ZNF780A: variants seen among roughly 807,000 people sequenced by gnomAD.
ZNF780A encodes the protein zinc finger protein 780A.
ZNF780A carries 40 observed loss-of-function variants against 56.7 expected under a neutral mutation model. The observed-to-expected ratio is 0.71, with a 90% CI of 0.55 to 0.92. The LOEUF (loss-of-function observed/expected upper bound fraction) is 0.92, where lower values mean the gene tolerates loss of function less well. Ranked by LOEUF, ZNF780A falls within the 40% of genes least tolerant of loss-of-function variation. ZNF780A has a pLI of 0.00. For missense variants in ZNF780A, 672 were observed against 783.3 expected (o/e 0.86, Z 1.70); for synonymous variants, 231 against 248.3 (o/e 0.93, Z 0.66).
At chr19:40,086,888 A>G (rs1974829787) in intron 2 of ZNF780A, among the ~76,000 whole-genome samples, 2 of 152,064 alleles carry the variant, frequency 1.3e-5, no homozygotes, top group South Asian at 2.1e-4. Flanking sequence ...TTTTTAGTAG[A>G]GACAAGGTTT....
At chr19:40,081,184 A>G (rs534538079) in intron 5 of ZNF780A, among the ~76,000 whole-genome samples, 1 of 151,472 alleles carries the variant, frequency 6.6e-6, no homozygotes, top group Admixed American at 6.6e-5. Context: ...TTTGCAAACT[A>G]TTTCTCTGAC....
At position 40,074,691 on chromosome 19, in the gene ZNF780A, G is replaced by A. The variant is rs753495523; in HGVS notation, c.1751C>T (p.Pro584Leu). Residue 584 changes from proline to leucine, a missense_variant, in exon 6 of 6, where the codon CCC becomes CTC. Pro to Leu is a moderately conservative substitution (Grantham distance 98, BLOSUM62 -3). Transcript: ENST00000683561. ...TTTCCCACACTCCTTACATTCAAAGGGTTTCTCACCAGTATGCAATTTCTG... is the reference window on the plus strand; with the variant it reads ...TTTCCCACACTCCTTACATTCAAAGAGTTTCTCACCAGTATGCAATTTCTG... ...RHQKLHTGEK[P>L]FECKECGKAF... 6.2e-7 allele frequency: 1 copy of A among 1,614,084 alleles called. No individual in the cohort carries two copies. The highest frequency in any genetic ancestry group is 2.2e-5 in the East Asian group (1 of 44,874).
intron 5 of ZNF780A, among the ~76,000 whole-genome samples, chr19:40,081,107 A>G (rs1974446906): frequency 6.6e-6 from 1 of 152,146 alleles, no homozygotes; most frequent in Non-Finnish European, 1.5e-5. Flanking sequence ...ATATTAAACT[A>G]AACGCTTCTG....
chr19:40,086,067 A>G (rs754990904), intron 2 of ZNF780A, among the ~76,000 whole-genome samples: 1 of 151,832 alleles, frequency 6.6e-6, no homozygotes. Context: ...TTTCTTTCCT[A>G]TGAGGAAACT....
At position 40,083,213 on chromosome 19, in the gene ZNF780A, C is replaced by T. The variant is rs779849221; in HGVS notation, c.34G>A (p.Ala12Thr). The change falls in exon 4 of 6, where the codon GCC (alanine) becomes ACC (threonine). Residue 12 changes from alanine to threonine, a missense_variant. Transcript: ENST00000683561. ...CACTCCTCCTGAGAGAAGTCAATGG[C>T]CACATCCCTGAATGTCACTGATCCC... is the stretch of plus-strand genomic sequence containing the variant. ...VHGSVTFRDV[A>T]IDFSQEEWEC... 8 of 1,614,038 alleles carry T rather than the reference C, an allele frequency of 5.0e-6. No individual in the cohort carries two copies. The highest frequency in any genetic ancestry group is 6.8e-6 in the Non-Finnish European group (8 of 1,180,026).
chr19:40,081,972 A>T, intron 4 of ZNF780A, 58 bp from the exon 5 acceptor site: 1 of 1,268,720 alleles, frequency 7.9e-7, no homozygotes, highest in South Asian at 1.3e-5. Flanking sequence ...TTTTTTTCAA[A>T]TCTTTGTGAC....
intron 5 of ZNF780A, among the ~76,000 whole-genome samples, chr19:40,077,659 C>T (rs1599837327): frequency 6.6e-6 from 1 of 152,110 alleles, no homozygotes. Flanking sequence ...CCATACCCTC[C>T]ACTAACCATC....
chr19:40,077,358 T>A (rs1161685179), intron 5 of ZNF780A, among the ~76,000 whole-genome samples: 2 of 151,990 alleles, frequency 1.3e-5, no homozygotes, highest in East Asian at 3.9e-4. Flanking sequence ...CTTTTACTCA[T>A]AAAAGAAGGC....
intron 5 of ZNF780A, 130 bp downstream of exon 5, chr19:40,081,689 G>C: frequency 1.4e-6 from 1 of 707,028 alleles, no homozygotes; most frequent in Non-Finnish European, 2.4e-6. Context: ...CAGGTCTTGG[G>C]CATTTTTATC....
chr19:40,090,211 G>A lies in ZNF780A; in HGVS notation c.-91C>T, dbSNP rs907209157. On this transcript the variant is annotated 5_prime_UTR_variant, in exon 2 of 6. Transcript: ENST00000683561. ...CAGTAACGCTCTCATCCTCCTCCAG[G>A]TCCTTCTTTTGGATAAAAATACGAC... The A allele has an allele frequency of 1.1e-4, 16 of 152,140 alleles. No individual in the cohort carries two copies. The highest frequency in any genetic ancestry group is 2.2e-4 in the African/African-American group (9 of 41,428). The allele number at this position is 152,140 out of a possible 1,614,324, so 9.4% of individuals were successfully genotyped here.
intron 5 of ZNF780A, among the ~76,000 whole-genome samples, chr19:40,077,541 T>C (rs1974211697): frequency 6.6e-6 from 1 of 152,002 alleles, no homozygotes; most frequent in African/African-American, 2.4e-5. Context: ...TATGATCCAA[T>C]TACCTCCCAC....
At position 40,076,122 on chromosome 19, in the gene ZNF780A, A is replaced by G. The variant is rs1320420154; in HGVS notation, c.320T>C (p.Ile107Thr). Residue 107 changes from isoleucine to threonine, a missense_variant, in exon 6 of 6, where the codon ATA (isoleucine) becomes ACA (threonine). Coordinates refer to ENST00000683561, the MANE Select transcript of ZNF780A (RefSeq NM_001142578.2). The stretch of plus-strand genomic sequence containing the variant: ...GGCCTCAATGCCAAGAGTTGTACTT[A>G]TTTGCTTTATAACCTGTTTGGGTAA... The part of the protein sequence containing the change: ...VNLPKQVIKQ[I>T]STTLGIEAFY... The G allele has an allele frequency of 6.2e-7, 1 of 1,610,646 alleles. No homozygotes were observed. Among genetic ancestry groups the G allele is most frequent in the Admixed American group, 1.7e-5 (1 of 59,220 alleles).
Position 40,073,138 on chromosome 19 carries a change from A to C in ZNF780A, c.*1378T>G. 13 of 1,163,040 alleles carry C rather than the reference A, an allele frequency of 1.1e-5. No individual in the cohort carries two copies. The highest frequency in any genetic ancestry group is 1.3e-5 in the Non-Finnish European group (12 of 903,770). 72.0% of individuals were successfully genotyped at this position (1,163,040 alleles called of 1,614,324 possible). Reference sequence around the variant, plus strand: ...GTCATGATGTCTAAAACTTATTCTCAATGGTACAACAAATATACAAAAAAT... The same window carrying C: ...GTCATGATGTCTAAAACTTATTCTCCATGGTACAACAAATATACAAAAAAT... On this transcript the variant is annotated 3_prime_UTR_variant, in exon 6 of 6. Transcript: ENST00000683561.
Position 40,075,141 on chromosome 19 carries a change from T to C in ZNF780A, c.1301A>G (p.Gln434Arg). ...CTCATTGGAATGAATTTTCTGATGCTGAATAAGGTGTGCACCACGATTAAA... is the reference window on the plus strand; with the variant it reads ...CTCATTGGAATGAATTTTCTGATGCCGAATAAGGTGTGCACCACGATTAAA... ...KGFNRGAHLI[Q>R]HQKIHSNEKP... is the part of the protein sequence containing the mutation. Residue 434 changes from glutamine to arginine, a missense_variant, in exon 6 of 6, where the codon CAG becomes CGG. By Grantham distance (43) the Gln-to-Arg change is conservative. Transcript: ENST00000683561. 6.2e-7 allele frequency: 1 copy of C among 1,613,988 alleles called. No individual in the cohort carries two copies. The highest frequency in any genetic ancestry group is 1.1e-5 in the South Asian group (1 of 91,070).
At position 40,076,153 on chromosome 19, in the gene ZNF780A, C is replaced by T. The variant is rs1323237973; in HGVS notation, c.289G>A (p.Val97Ile). The change falls in exon 6 of 6, where the codon GTA becomes ATA. Residue 97 changes from valine to isoleucine, a missense_variant. Coordinates refer to ENST00000683561, the MANE Select transcript of ZNF780A (RefSeq NM_001142578.2). ...KVSPENDTSE[V>I]NLPKQVIKQI... ...TTTATAACCTGTTTGGGTAAATTTA[C>T]TTCAGAGGTATCATTTTCTGGAGAT... The T allele has an allele frequency of 3.8e-6, 6 of 1,590,174 alleles. No homozygotes were observed. In the East Asian group the frequency reaches 1.3e-4, roughly 36 times the overall value.
downstream of ZNF780A, chr19:40,070,203 TAAC>T (rs1417973257): frequency 6.6e-6 from 1 of 152,120 alleles, no homozygotes; most frequent in African/African-American, 2.4e-5. Flanking sequence ...ATAATAAACA[TAAC>T]AGACCAGTTA....
rs1261005225 is a variant in ZNF780A at position 40,075,288 on chromosome 19, C to T, written c.1154G>A (p.Gly385Asp). The T allele has an allele frequency of 1.2e-6, 2 of 1,613,466 alleles. No homozygotes were observed. The highest frequency in any genetic ancestry group is 1.1e-5 in the South Asian group (1 of 91,040). ...QLNRHKNIHTGEKPFECKECG... is the reference protein window; with the variant it reads ...QLNRHKNIHTDEKPFECKECG... Reference sequence around the variant, plus strand: ...TTCCTTACATTCAAACGGTTTTTCACCTGTGTGAATGTTCTTATGGCGATT... The same window carrying T: ...TTCCTTACATTCAAACGGTTTTTCATCTGTGTGAATGTTCTTATGGCGATT... The change falls in exon 6 of 6, where the codon GGT becomes GAT. Residue 385 changes from glycine to aspartate, a missense_variant. Gly to Asp is a moderately conservative substitution (Grantham distance 94). Transcript: ENST00000683561.
chr19:40,087,181 T>G (rs1396063169), intron 2 of ZNF780A, among the ~76,000 whole-genome samples: 1 of 152,242 alleles, frequency 6.6e-6, no homozygotes, highest in Admixed American at 6.5e-5. Flanking sequence ...ACTTATTTTA[T>G]ACAAGATCAT....
chr19:40,079,785 G>A (rs1229138935), intron 5 of ZNF780A, among the ~76,000 whole-genome samples: 1 of 152,064 alleles, frequency 6.6e-6, no homozygotes, highest in Non-Finnish European at 1.5e-5. Flanking sequence ...TGAAACAAAT[G>A]AAAATCAGAA....
Sources: allele counts gnomAD v4.1 joint callset (sites outside exome capture counted in the v4.1 genomes callset), GRCh38; gene constraint gnomAD v4.1.1; transcripts MANE v1.5; gene names NCBI Gene and HGNC (gene_info 2026-07-23, HGNC 2026-07-21).